MYADML2: variants seen among roughly 807,000 people sequenced by gnomAD.
MYADML2 encodes myeloid-associated differentiation marker-like protein 2.
Under a neutral mutation model 16.0 loss-of-function variants are expected in MYADML2, and 17 were observed. The observed-to-expected ratio is 1.06, with a 90% CI of 0.73 to 1.60. The LOEUF is 1.60. MYADML2 is among the 40% of genes most tolerant of loss of function. The pLI, the probability that MYADML2 is intolerant of heterozygous loss-of-function variation, is 0.00. For synonymous variants in MYADML2, 210 were observed against 208.1 expected, an observed-to-expected ratio of 1.01 and a Z score of -0.08; for missense variants, 422 against 437.7, an observed-to-expected ratio of 0.96 and a Z score of 0.32.
rs34319293 is a variant in MYADML2 at position 81,942,024 on chromosome 17, G to A, written c.-102-181C>T. The stretch of plus-strand genomic sequence containing the variant: ...CCTGGTCCCCTGTGGAGCCCCTGCC[G>A]GGACCATTAACCCATTGGCTGCTGG... On this transcript the variant is annotated intron_variant, in intron 2 of 2. Coordinates refer to ENST00000409745, the MANE Select transcript of MYADML2 (RefSeq NM_001145113.3). This position sits in a 1 kb window ranked among gnomAD's most constrained non-coding sequence, Gnocchi z 4.4. 181,271 of 368,442 alleles carry A rather than the reference G, an allele frequency of 0.49. 46,335 individuals are homozygous for A. The highest frequency in any genetic ancestry group is 0.54 in the Non-Finnish European group (109,801 of 204,490). The allele number at this position is 368,442 out of a possible 1,614,324, so 22.8% of individuals were successfully genotyped here. A position where few individuals can be genotyped will look rare whatever the true frequency, so the allele number is the denominator to read the frequency against.
At chr17:81,944,179 C>T (rs567916268) in intron 1 of MYADML2, among the ~76,000 whole-genome samples, 5 of 151,842 alleles carry the variant, frequency 3.3e-5, no homozygotes, top group South Asian at 2.1e-4. Flanking sequence ...CCGAGGAAGA[C>T]GGATCACAAG....
At chr17:81,944,710 A>C (rs1185879893) in intron 1 of MYADML2, among the ~76,000 whole-genome samples, 3 of 152,208 alleles carry the variant, frequency 2.0e-5, no homozygotes, top group Admixed American at 6.5e-5. Context: ...CTATGTGATC[A>C]GAAGGGCAGA....
chr17:81,940,711 C>T lies in MYADML2; in HGVS notation c.*107G>A, dbSNP rs1316735174. Reference sequence around the variant, plus strand: ...TTGTACTTCATCTCCCCTGAGCCCGCGGCTTCCCTCCTGCTCGCTACTTGA... The same window carrying T: ...TTGTACTTCATCTCCCCTGAGCCCGTGGCTTCCCTCCTGCTCGCTACTTGA... On this transcript the variant is annotated 3_prime_UTR_variant, in exon 3 of 3. Coordinates refer to ENST00000409745, the MANE Select transcript of MYADML2 (RefSeq NM_001145113.3). 7.2e-6 allele frequency: 9 copies of T among 1,247,632 alleles called. No individual in the cohort carries two copies. Among genetic ancestry groups the T allele is most frequent in the Admixed American group, 2.9e-5 (1 of 34,900 alleles). 77.3% of individuals were successfully genotyped at this position (1,247,632 alleles called of 1,614,324 possible).
Position 81,943,460 on chromosome 17 carries a change from A to G in MYADML2, c.-180-1087T>C, listed in dbSNP as rs1260464130. On this transcript the variant is annotated intron_variant, in intron 1 of 2. Coordinates refer to ENST00000409745, the MANE Select transcript of MYADML2 (RefSeq NM_001145113.3). Reference sequence around the variant, plus strand: ...GCTCTGTTGCCCAGGTTGGAGTGCAATGGCGCAATCTCGGCTCACTGCAAG... The same window carrying G: ...GCTCTGTTGCCCAGGTTGGAGTGCAGTGGCGCAATCTCGGCTCACTGCAAG... 8.4e-5 allele frequency among the ~76,000 whole-genome samples: 11 copies of G among 130,296 alleles called. 1 individual carries two copies. The highest frequency in any genetic ancestry group is 5.5e-3 in the Middle Eastern group (1 of 182). 85.5% of individuals were successfully genotyped at this position (130,296 alleles called of 152,430 possible).
chr17:81,940,783 C>A lies in MYADML2; in HGVS notation c.*35G>T. The A allele has an allele frequency of 1.4e-6, 2 of 1,467,938 alleles. No individual in the cohort carries two copies. The highest frequency in any genetic ancestry group is 1.8e-6 in the Non-Finnish European group (2 of 1,104,784). The allele number at this position is 1,467,938 out of a possible 1,614,324, so 90.9% of individuals were successfully genotyped here. On this transcript the variant is annotated 3_prime_UTR_variant, in exon 3 of 3. Coordinates refer to ENST00000409745, the MANE Select transcript of MYADML2 (RefSeq NM_001145113.3). ...CCCTCGCAGAGCCTGGAGCTGGTGG[C>A]CAGAGAGCAGAGGTGGGTGGGCTGC...
At chr17:81,945,348 G>A (rs1567934295) in intron 1 of MYADML2, among the ~76,000 whole-genome samples, 2 of 152,066 alleles carry the variant, frequency 1.3e-5, no homozygotes, top group East Asian at 1.9e-4. Flanking sequence ...GACCATCCTG[G>A]CTAACACAGT....
intron 1 of MYADML2, among the ~76,000 whole-genome samples, chr17:81,946,854 G>A (rs2143929656): frequency 6.6e-6 from 1 of 152,076 alleles, no homozygotes; most frequent in Admixed American, 6.6e-5. Flanking sequence ...GTATGTGACT[G>A]TAATCCCAGC....
rs2041293893 is a variant in MYADML2, at chr17:81,940,617, G to T, written c.*201C>A. 1 of 590,976 alleles carries T rather than the reference G, an allele frequency of 1.7e-6. No individual in the cohort carries two copies. The highest frequency in any genetic ancestry group is 2.9e-6 in the Non-Finnish European group (1 of 340,696). The allele number at this position is 590,976 out of a possible 1,614,324, so 36.6% of individuals were successfully genotyped here. On this transcript the variant is annotated 3_prime_UTR_variant, in exon 3 of 3. Coordinates refer to ENST00000409745, the MANE Select transcript of MYADML2 (RefSeq NM_001145113.3). ...AGGCTCTCCCCTGCGTCTGCTCAGG[G>T]CCTCTGCCCTACTGTCCTGCCCTTG...
At position 81,943,465 on chromosome 17, in the gene MYADML2, G is replaced by A. The variant is rs541112129; in HGVS notation, c.-180-1092C>T. Reference sequence around the variant, plus strand: ...GTTGCCCAGGTTGGAGTGCAATGGCGCAATCTCGGCTCACTGCAAGCTCTG... The same window carrying A: ...GTTGCCCAGGTTGGAGTGCAATGGCACAATCTCGGCTCACTGCAAGCTCTG... On this transcript the variant is annotated intron_variant, in intron 1 of 2. Coordinates refer to ENST00000409745, the MANE Select transcript of MYADML2 (RefSeq NM_001145113.3). Among the ~76,000 whole-genome samples, 4 of 146,942 alleles carry A rather than the reference G, an allele frequency of 2.7e-5. No homozygotes were observed. In the South Asian group the frequency reaches 6.5e-4, roughly 24 times the overall value.
chr17:81,945,464 G>GGGA, intron 1 of MYADML2, among the ~76,000 whole-genome samples: 1 of 152,036 alleles, frequency 6.6e-6, no homozygotes. Context: ...GCGTGAACCC[G>GGGA]GGAGGCAGAG....
chr17:81,945,340 C>T (rs958566238), intron 1 of MYADML2, among the ~76,000 whole-genome samples: 6 of 151,972 alleles, frequency 3.9e-5, no homozygotes, highest in Non-Finnish European at 8.8e-5. Context: ...GAGATCGAGA[C>T]CATCCTGGCT....
rs989268056 is a variant in MYADML2 at position 81,942,516 on chromosome 17, A to G, written c.-180-143T>C. 6.6e-6 allele frequency: 1 copy of G among 152,198 alleles called. No homozygotes were observed. Among genetic ancestry groups the G allele is most frequent in the Non-Finnish European group, 1.5e-5 (1 of 68,070 alleles). 9.4% of individuals were successfully genotyped at this position (152,198 alleles called of 1,614,324 possible). On this transcript the variant is annotated intron_variant, in intron 1 of 2. Coordinates refer to ENST00000409745, the MANE Select transcript of MYADML2 (RefSeq NM_001145113.3). The surrounding 1 kb of genome is among the most constrained non-coding windows in gnomAD (Gnocchi z 4.4). The stretch of plus-strand genomic sequence containing the variant: ...GTTACTGTTACTGTTTGCAGGGGCC[A>G]TTCTGGGGCTTTTCACTTGTCCTTC...
chr17:81,945,667 A>G (rs2041339660), intron 1 of MYADML2, among the ~76,000 whole-genome samples: 1 of 149,882 alleles, frequency 6.7e-6, no homozygotes, highest in Admixed American at 6.7e-5. Context: ...GCACCACTGC[A>G]CTCCAGCCTG....
intron 1 of MYADML2, among the ~76,000 whole-genome samples, chr17:81,944,111 C>G (rs1365015399): frequency 2.4e-5 from 3 of 127,086 alleles, no homozygotes; most frequent in African/African-American, 8.9e-5. Context: ...GATTCCGTCT[C>G]AAAAAAAAAA....
chr17:81,945,990 A>T (rs1185144443), intron 1 of MYADML2, among the ~76,000 whole-genome samples: 2 of 152,132 alleles, frequency 1.3e-5, no homozygotes, highest in Non-Finnish European at 2.9e-5. Context: ...AGGGCGGGTG[A>T]CACCTGCTAC....
intron 1 of MYADML2, among the ~76,000 whole-genome samples, chr17:81,946,257 A>G (rs991322646): frequency 1.3e-5 from 2 of 152,088 alleles, no homozygotes; most frequent in Non-Finnish European, 2.9e-5. Flanking sequence ...TGGGAGGCTG[A>G]GGCAGGAGAA....
At position 81,941,080 on chromosome 17, in the gene MYADML2, C is replaced by G. The variant is rs1375210385; in HGVS notation, c.662G>C (p.Gly221Ala). The G allele has an allele frequency of 6.5e-7, 1 of 1,550,258 alleles. No homozygotes were observed. Among genetic ancestry groups the G allele is most frequent in the Admixed American group, 2.0e-5 (1 of 50,990 alleles). The change falls in exon 3 of 3, where the codon GGG (glycine) becomes GCG (alanine). Residue 221 changes from glycine (G) to alanine (A), a missense_variant. Transcript: ENST00000409745. Reference protein sequence around the residue: ...VVALSVMGHTGGLGCPFDRLV... With the variant: ...VVALSVMGHTAGLGCPFDRLV... The stretch of plus-strand genomic sequence containing the variant: ...CCGGTCAAAGGGGCAGCCCAGGCCC[C>G]CTGTGTGGCCCATCACACTCAGGGC...
rs2143920070 is a variant in MYADML2, at chr17:81,941,392, G to A, written c.350C>T (p.Pro117Leu). Reference sequence around the variant, plus strand: ...CCTGGCAGCACAGCCGGCGGGCTCGGGGGAACACTCCCGCCGGGCAAAGTA... The same window carrying A: ...CCTGGCAGCACAGCCGGCGGGCTCGAGGGAACACTCCCGCCGGGCAAAGTA... ...PLYFARRECSPEPAGCAARDF... is the reference protein window; with the variant it reads ...PLYFARRECSLEPAGCAARDF... The change falls in exon 3 of 3, where the codon CCC becomes CTC. Residue 117 changes from proline (P) to leucine (L), a missense_variant. By Grantham distance (98) the Pro-to-Leu change is moderately conservative. Coordinates refer to ENST00000409745, the MANE Select transcript of MYADML2 (RefSeq NM_001145113.3). 1 of 1,549,066 alleles carries A rather than the reference G, an allele frequency of 6.5e-7. No homozygotes were observed. The highest frequency in any genetic ancestry group is 1.7e-4 in the Middle Eastern group (1 of 5,950).
At chr17:81,945,593 T>C (rs1207561737) in intron 1 of MYADML2, among the ~76,000 whole-genome samples, 1 of 149,444 alleles carries the variant, frequency 6.7e-6, no homozygotes, top group Non-Finnish European at 1.5e-5. Flanking sequence ...TCTCAGTTAC[T>C]GGGGAGGCTG....
Sources: gnomAD v4.1 joint callset for allele counts (sites outside exome capture counted in the v4.1 genomes callset) on GRCh38, gnomAD v4.1.1 for gene constraint, Gnocchi (gnomAD v3.1) non-coding constraint, MANE v1.5 for transcripts, NCBI Gene and HGNC (gene_info 2026-07-23, HGNC 2026-07-21) for gene names.